Variants in SOX5 observed in about 807,000 individuals in gnomAD.
SOX5 encodes SRY-box transcription factor 5.
SOX5 carries 9 observed loss-of-function variants against 92.0 expected under a neutral mutation model. That is an observed-to-expected ratio of 0.10 (90% CI 0.06 to 0.17). The LOEUF (loss-of-function observed/expected upper bound fraction) is 0.17. Ranked by LOEUF, SOX5 falls within the 10% of genes least tolerant of loss-of-function variation. SOX5 has a pLI of 1.00. For missense variants in SOX5, 642 were observed against 944.5 expected (o/e 0.68, Z 4.20); for synonymous variants, 344 against 336.3 (o/e 1.02, Z -0.25).
At chr12:24,313,299 G>A (rs59043921) in intron 2 of SOX5, among the ~76,000 whole-genome samples, 3,951 of 152,202 alleles carry the variant, frequency 0.026, 159 homozygotes, top group African/African-American at 0.09. Flanking sequence ...AGGCCAAGGC[G>A]AGAGGATAGC....
chr12:23,748,881 C>T lies in SOX5; in HGVS notation c.568+6757G>A, dbSNP rs188264962. ...TGAAGAACTACTACTAGGCTATAAG[C>T]TCTAGGAGGGCAGGAATCTGTCTAC... On this transcript the variant is annotated intron_variant, in intron 4 of 14. Transcript: ENST00000451604. 7.4e-4 allele frequency among the ~76,000 whole-genome samples: 112 copies of T among 152,006 alleles called. 2 individuals carry two copies. The highest frequency in any genetic ancestry group is 1.3e-3 in the Non-Finnish European group (88 of 67,918).
chr12:24,164,880 G>A (rs1953209600), intron 4 of SOX5, among the ~76,000 whole-genome samples: 1 of 151,888 alleles, frequency 6.6e-6, no homozygotes, highest in African/African-American at 2.4e-5. Flanking sequence ...ATATTGAATG[G>A]AACTAATGGC....
intron 6 of SOX5, among the ~76,000 whole-genome samples, chr12:23,685,267 G>A (rs1005642348): frequency 1.3e-5 from 2 of 151,842 alleles, no homozygotes; most frequent in Non-Finnish European, 2.9e-5. Flanking sequence ...TTTAACTTTA[G>A]AAGACAGAGA....
chr12:24,165,163 T>C (rs1953248328), intron 4 of SOX5, among the ~76,000 whole-genome samples: 2 of 152,104 alleles, frequency 1.3e-5, no homozygotes, highest in Admixed American at 1.3e-4. Flanking sequence ...TTCTGTGAGG[T>C]AAAATAATAC....
intron 8 of SOX5, among the ~76,000 whole-genome samples, chr12:23,640,572 ACTTT>A: frequency 6.6e-6 from 1 of 152,308 alleles, no homozygotes; most frequent in Non-Finnish European, 1.5e-5. Flanking sequence ...ACTACAGCTC[ACTTT>A]CTTAATAATA....
At chr12:24,238,762 C>T (rs1965015380) in intron 3 of SOX5, among the ~76,000 whole-genome samples, 1 of 152,176 alleles carries the variant, frequency 6.6e-6, no homozygotes, top group Non-Finnish European at 1.5e-5. Flanking sequence ...TCCTACATAG[C>T]TTACATAATC....
intron 11 of SOX5, among the ~76,000 whole-genome samples, chr12:23,558,898 C>T (rs994169859): frequency 6.6e-6 from 1 of 152,104 alleles, no homozygotes; most frequent in Non-Finnish European, 1.5e-5. Context: ...CCACCGTGCC[C>T]GGCCATGAAT....
intron 3 of SOX5, among the ~76,000 whole-genome samples, chr12:23,797,244 T>C (rs1355269288): frequency 1.3e-5 from 2 of 152,018 alleles, no homozygotes; most frequent in East Asian, 3.9e-4. Context: ...TTAACAGAGA[T>C]ACTTAAACCT....
Position 23,817,728 on chromosome 12 carries a change from C to T in SOX5, c.481+28255G>A, listed in dbSNP as rs2089675471. Reference sequence around the variant, plus strand: ...TATATAATAGAATGCACTGATTATACATTCGCTTTGGTATGAGTTCCCTCC... The same window carrying T: ...TATATAATAGAATGCACTGATTATATATTCGCTTTGGTATGAGTTCCCTCC... On this transcript the variant is annotated intron_variant, in intron 3 of 14. Transcript: ENST00000451604. Among the ~76,000 whole-genome samples, 4 of 152,272 alleles carry T rather than the reference C, an allele frequency of 2.6e-5. No individual in the cohort carries two copies. The South Asian group carries it at 8.3e-4, about 32-fold the overall frequency.
chr12:24,129,662 G>A (rs957724467), intron 4 of SOX5, among the ~76,000 whole-genome samples: 2 of 152,120 alleles, frequency 1.3e-5, no homozygotes, highest in African/African-American at 2.4e-5. Context: ...ATAATAAATC[G>A]GAGCAGAGTC....
At chr12:23,794,569 G>T (rs192346087) in intron 3 of SOX5, among the ~76,000 whole-genome samples, 1 of 152,058 alleles carries the variant, frequency 6.6e-6, no homozygotes, top group Non-Finnish European at 1.5e-5. Context: ...CAAAAGATAT[G>T]TCTATCATAT....
At chr12:24,017,797 C>A (rs933683092) in intron 4 of SOX5, among the ~76,000 whole-genome samples, 2 of 152,110 alleles carry the variant, frequency 1.3e-5, no homozygotes, top group African/African-American at 4.8e-5. Flanking sequence ...TTCCCTATCA[C>A]CGTCACTTTC....
chr12:23,981,387 C>CT (rs1322007280), intron 4 of SOX5, among the ~76,000 whole-genome samples: 3 of 152,098 alleles, frequency 2.0e-5, no homozygotes, highest in South Asian at 2.1e-4. Context: ...TTCAAGAATA[C>CT]TTTTTTATGG....
chr12:23,710,720 T>C (rs1390902838), intron 6 of SOX5, among the ~76,000 whole-genome samples: 1 of 152,230 alleles, frequency 6.6e-6, no homozygotes, highest in Non-Finnish European at 1.5e-5. Flanking sequence ...TGTGCCTTTA[T>C]AGCAGCATGA....
chr12:23,613,310 C>T (rs1394259870), intron 8 of SOX5, among the ~76,000 whole-genome samples: 2 of 150,266 alleles, frequency 1.3e-5, no homozygotes, highest in African/African-American at 4.9e-5. Flanking sequence ...GCTTCACACC[C>T]ATTAGGACGA....
chr12:24,079,871 A>G (rs1322991994), intron 4 of SOX5, among the ~76,000 whole-genome samples: 1 of 151,938 alleles, frequency 6.6e-6, no homozygotes, highest in Non-Finnish European at 1.5e-5. Context: ...TTAATAAGTG[A>G]TTAAACAAGT....
At chr12:23,688,896 ACAAC>A (rs1190137963) in intron 6 of SOX5, among the ~76,000 whole-genome samples, 2 of 152,136 alleles carry the variant, frequency 1.3e-5, no homozygotes, top group Non-Finnish European at 2.9e-5. Context: ...TGCTGAATGA[ACAAC>A]CAAATAGATG....
chr12:23,822,278 C>G (rs998244812), intron 3 of SOX5, among the ~76,000 whole-genome samples: 1 of 152,162 alleles, frequency 6.6e-6, no homozygotes. Flanking sequence ...AAATTTCCCT[C>G]TAAATACTTG....
chr12:23,862,293 GC>G (rs2096764821), intron 2 of SOX5, among the ~76,000 whole-genome samples: 1 of 151,954 alleles, frequency 6.6e-6, no homozygotes, highest in African/African-American at 2.4e-5. Context: ...CTTTTTAAAG[GC>G]CCCATGTCTC....
Sources: allele counts gnomAD v4.1 joint callset (sites outside exome capture counted in the v4.1 genomes callset), GRCh38; gene constraint gnomAD v4.1.1; transcripts MANE v1.5; gene names NCBI Gene and HGNC (gene_info 2026-07-23, HGNC 2026-07-21).